Variants in ST8SIA6 observed in about 807,000 individuals in gnomAD.
The protein encoded by ST8SIA6 is ST8 alpha-N-acetyl-neuraminide alpha-2,8-sialyltransferase 6.
A neutral mutation model predicts 33.6 loss-of-function variants in ST8SIA6; 39 were observed. That is an observed-to-expected ratio of 1.16 (90% CI 0.90 to 1.52). The LOEUF is 1.52. ST8SIA6 is among the 40% of genes most tolerant of loss of function. The pLI, the probability that ST8SIA6 is intolerant of heterozygous loss-of-function variation, is 0.00. For missense variants in ST8SIA6, 441 were observed against 443.8 expected, an observed-to-expected ratio of 0.99 and a Z score of 0.06; for synonymous variants, 172 against 167.2, an observed-to-expected ratio of 1.03 and a Z score of -0.22.
At chr10:17,327,482 G>C (rs1848171590) in intron 5 of ST8SIA6, among the ~76,000 whole-genome samples, 1 of 152,186 alleles carries the variant, frequency 6.6e-6, no homozygotes, top group Admixed American at 6.5e-5. Flanking sequence ...AGCTACTCGA[G>C]AGGCTGAGGC....
chr10:17,390,693 A>T, intron 2 of ST8SIA6, 73 bp from the exon 3 acceptor site: 1 of 1,231,864 alleles, frequency 8.1e-7, no homozygotes, highest in Non-Finnish European at 1.2e-6. Context: ...AACAAAAATC[A>T]GATTTAATTG....
chr10:17,322,030 G>C (rs1418731249), intron 7 of ST8SIA6, among the ~76,000 whole-genome samples: 3 of 151,708 alleles, frequency 2.0e-5, no homozygotes, highest in South Asian at 4.2e-4. Flanking sequence ...TTGAGCCCAG[G>C]AGTTTGAGGC....
intron 4 of ST8SIA6, among the ~76,000 whole-genome samples, chr10:17,347,060 T>G (rs982265171): frequency 2.0e-5 from 3 of 152,144 alleles, no homozygotes; most frequent in Admixed American, 1.3e-4. Context: ...TTTAATTGAT[T>G]GAGATGAGAC....
intron 2 of ST8SIA6, among the ~76,000 whole-genome samples, chr10:17,393,953 T>C (rs1412598861): frequency 6.6e-6 from 1 of 152,200 alleles, no homozygotes; most frequent in Non-Finnish European, 1.5e-5. Context: ...CTGAATGTAT[T>C]ATACTGTCCA....
intron 3 of ST8SIA6, among the ~76,000 whole-genome samples, chr10:17,372,630 TATTG>T (rs1405319433): frequency 6.6e-6 from 1 of 152,254 alleles, no homozygotes; most frequent in Non-Finnish European, 1.5e-5. Context: ...TGACTATCAC[TATTG>T]ATTATTACAG....
In ST8SIA6 at chr10:17,318,096, C is replaced by A. The variant is rs1016807908; in HGVS notation, c.*2782G>T. On this transcript the variant is annotated 3_prime_UTR_variant, in exon 8 of 8. Coordinates refer to ENST00000377602, the MANE Select transcript of ST8SIA6 (RefSeq NM_001004470.3). ...AAAATTATATTGGAATCTTGTTATT[C>A]TGTTTCATTGCTCAATGAGGCTGAA... 2.6e-5 allele frequency among the ~76,000 whole-genome samples: 4 copies of A among 152,158 alleles called. No individual in the cohort carries two copies. Among genetic ancestry groups the A allele is most frequent in the Admixed American group, 2.6e-4 (4 of 15,262 alleles).
At chr10:17,356,501 A>C (rs12220993) in intron 4 of ST8SIA6, among the ~76,000 whole-genome samples, 25,789 of 151,568 alleles carry the variant, frequency 0.17, 2,547 homozygotes, top group East Asian at 0.49. Context: ...CTCCCGCCTC[A>C]GTGATTCTTC....
At chr10:17,433,320 C>T (rs1203142871) in intron 2 of ST8SIA6, among the ~76,000 whole-genome samples, 1 of 152,100 alleles carries the variant, frequency 6.6e-6, no homozygotes, top group Non-Finnish European at 1.5e-5. Context: ...TGTTAAACAC[C>T]TGTGGTCCAA....
rs1441993071 is a variant in ST8SIA6 at position 17,317,212 on chromosome 10, A to G, written c.*3666T>C. 6.6e-6 allele frequency among the ~76,000 whole-genome samples: 1 copy of G among 152,196 alleles called. No homozygotes were observed. Among genetic ancestry groups the G allele is most frequent in the Non-Finnish European group, 1.5e-5 (1 of 68,042 alleles). On this transcript the variant is annotated 3_prime_UTR_variant, in exon 8 of 8. Coordinates refer to ENST00000377602, the MANE Select transcript of ST8SIA6 (RefSeq NM_001004470.3). ...CTGCTAAAGAGTTTGCCCTGTCTCC[A>G]TTACATAAGTAGCGCATCTTTATCA...
Position 17,401,412 on chromosome 10 carries a change from C to T in ST8SIA6, c.201-10792G>A, listed in dbSNP as rs1851036051. 2.0e-5 allele frequency among the ~76,000 whole-genome samples: 3 copies of T among 152,168 alleles called. No individual in the cohort carries two copies. The South Asian group carries it at 6.2e-4, about 32-fold the overall frequency. On this transcript the variant is annotated intron_variant, in intron 2 of 7. Coordinates refer to ENST00000377602, the MANE Select transcript of ST8SIA6 (RefSeq NM_001004470.3). The stretch of plus-strand genomic sequence containing the variant: ...ATCAAGCTACCAATGACTTTCTTCA[C>T]AGAATTGGAAAGAACTACTTTAAAG...
chr10:17,322,071 C>G (rs997057135), intron 7 of ST8SIA6, among the ~76,000 whole-genome samples: 1 of 145,850 alleles, frequency 6.9e-6, no homozygotes, highest in Non-Finnish European at 1.5e-5. Flanking sequence ...CTGCTGCACT[C>G]TAACCTGGGT....
intron 2 of ST8SIA6, among the ~76,000 whole-genome samples, chr10:17,418,660 C>T (rs1489483342): frequency 6.6e-6 from 1 of 152,150 alleles, no homozygotes; most frequent in Non-Finnish European, 1.5e-5. Flanking sequence ...ATATGGCCTC[C>T]AATTGTTATC....
chr10:17,420,284 C>T (rs908150523), intron 2 of ST8SIA6, among the ~76,000 whole-genome samples: 24 of 152,148 alleles, frequency 1.6e-4, no homozygotes, highest in Admixed American at 5.9e-4. Flanking sequence ...TGGTGGCGGG[C>T]GCCTGTAGTC....
At chr10:17,397,216 T>A (rs1850838383) in intron 2 of ST8SIA6, among the ~76,000 whole-genome samples, 1 of 148,102 alleles carries the variant, frequency 6.8e-6, no homozygotes, top group Non-Finnish European at 1.5e-5. Context: ...GGTTGTGTCG[T>A]TTGCAAATTG....
chr10:17,414,994 C>T (rs1275462195), intron 2 of ST8SIA6, among the ~76,000 whole-genome samples: 1 of 150,340 alleles, frequency 6.7e-6, no homozygotes, highest in East Asian at 1.9e-4. Context: ...ACATTACTGA[C>T]CCCCTCATCT....
chr10:17,369,038 G>A (rs186315978), intron 3 of ST8SIA6, among the ~76,000 whole-genome samples: 148 of 152,270 alleles, frequency 9.7e-4, no homozygotes, highest in African/African-American at 3.3e-3. Context: ...AATCTATATT[G>A]AAACAAAATC....
intron 4 of ST8SIA6, among the ~76,000 whole-genome samples, chr10:17,349,284 T>A (rs1353302616): frequency 6.6e-6 from 1 of 152,078 alleles, no homozygotes; most frequent in East Asian, 1.9e-4. Context: ...TGTTTACACA[T>A]CCCCCTAGGC....
At chr10:17,379,315 G>GAA (rs756242914) in intron 3 of ST8SIA6, among the ~76,000 whole-genome samples, 8,387 of 151,936 alleles carry the variant, frequency 0.055, 318 homozygotes, top group African/African-American at 0.11. Flanking sequence ...GAGAGAAAGA[G>GAA]TAAGAATGAG....
intron 3 of ST8SIA6, among the ~76,000 whole-genome samples, chr10:17,367,237 T>C (rs1849584591): frequency 2.0e-5 from 3 of 152,160 alleles, no homozygotes. Context: ...CAGTTCACCA[T>C]GGCTGGGGAG....
Sources: gnomAD v4.1 joint callset for allele counts (sites outside exome capture counted in the v4.1 genomes callset) on GRCh38, gnomAD v4.1.1 for gene constraint, MANE v1.5 for transcripts, NCBI Gene and HGNC (gene_info 2026-07-23, HGNC 2026-07-21) for gene names.